CMTM7: variants seen among roughly 807,000 people sequenced by gnomAD.
CMTM7 encodes the protein CKLF like MARVEL transmembrane domain containing 7.
A neutral mutation model predicts 19.3 loss-of-function variants in CMTM7; 7 were observed. That is an observed-to-expected ratio of 0.36 (90% CI 0.21 to 0.68). CMTM7 has a LOEUF of 0.68. CMTM7 is among the 30% of genes least tolerant of loss of function. The probability of loss-of-function intolerance (pLI) is 0.60; values close to 1 mark genes in which losing one functional copy is unlikely to be tolerated. For missense variants in CMTM7, 193 were observed against 232.6 expected, an observed-to-expected ratio of 0.83 and a Z score of 1.11; for synonymous variants, 87 against 99.3, an observed-to-expected ratio of 0.88 and a Z score of 0.74.
chr3:32,442,498 C>CAAAAAAAAAA (rs59568281), intron 2 of CMTM7, among the ~76,000 whole-genome samples: 21 of 80,052 alleles, frequency 2.6e-4, no homozygotes, highest in African/African-American at 1.0e-3. Context: ...AGACTCCTCT[C>CAAAAAAAAAA]AAAAAAAAAA....
At chr3:32,445,143 G>A (rs1212792573) in intron 2 of CMTM7, among the ~76,000 whole-genome samples, 2 of 152,094 alleles carry the variant, frequency 1.3e-5, no homozygotes, top group Non-Finnish European at 2.9e-5. Flanking sequence ...CTGTAAACAT[G>A]ATCTGCAAAT....
At chr3:32,407,057 G>T (rs1181637537) in intron 1 of CMTM7, among the ~76,000 whole-genome samples, 1 of 152,162 alleles carries the variant, frequency 6.6e-6, no homozygotes, top group Non-Finnish European at 1.5e-5. Flanking sequence ...AAGGGAACCT[G>T]GGAATCTGAA....
Position 32,391,896 on chromosome 3 carries a change from G to T in CMTM7, c.-11G>T. The stretch of plus-strand genomic sequence containing the variant: ...TGCCCGGGGAGGCGGCCAGCGAGCT[G>T]GGGCCGCGCAATGTCGCACGGAGCC... On this transcript the variant is annotated 5_prime_UTR_variant, in exon 1 of 5. Transcript: ENST00000334983. 1 of 1,216,812 alleles carries T rather than the reference G, an allele frequency of 8.2e-7. No individual in the cohort carries two copies. The highest frequency in any genetic ancestry group is 1.0e-6 in the Non-Finnish European group (1 of 978,110). The allele number at this position is 1,216,812 out of a possible 1,614,324, so 75.4% of individuals were successfully genotyped here.
At chr3:32,451,511 G>C (rs577140780) in intron 3 of CMTM7, 18 of 152,646 alleles carry the variant, frequency 1.2e-4, no homozygotes, top group African/African-American at 3.6e-4. Flanking sequence ...GAGCAGGGTG[G>C]GTAATCCTAG....
chr3:32,452,555 C>A, intron 4 of CMTM7, 82 bp downstream of exon 4: 3 of 1,402,470 alleles, frequency 2.1e-6, no homozygotes, highest in Non-Finnish European at 3.0e-6. Context: ...TAGGGACAAA[C>A]CCTGCTGTTG....
rs375643299 is a variant in CMTM7 at position 32,452,494 on chromosome 3, C to T, written c.514+21C>T. The T allele has an allele frequency of 1.9e-6, 3 of 1,607,936 alleles. No homozygotes were observed. The African/African-American group carries it at 4.0e-5, about 22-fold the overall frequency. On this transcript the variant is annotated intron_variant, in intron 4 of 4. Transcript: ENST00000334983. ...CACAGGTGAGTTCTGGTTATCTGTG[C>T]ACAGAGGATCTCTCAGGAACAGGGG... is the stretch of plus-strand genomic sequence containing the variant.
chr3:32,436,919 C>T (rs140798790), intron 1 of CMTM7, among the ~76,000 whole-genome samples: 68 of 152,208 alleles, frequency 4.5e-4, no homozygotes, highest in African/African-American at 1.6e-3. Flanking sequence ...GATTTTTCAT[C>T]GTAGACCTCA....
At chr3:32,453,387 A>G (rs1255486905) in intron 4 of CMTM7, among the ~76,000 whole-genome samples, 4 of 152,210 alleles carry the variant, frequency 2.6e-5, no homozygotes, top group East Asian at 1.9e-4. Context: ...TGTTGCTTTT[A>G]TTAAAAGGAT....
chr3:32,446,349 T>C (rs955247596), intron 2 of CMTM7, among the ~76,000 whole-genome samples: 3 of 152,176 alleles, frequency 2.0e-5, no homozygotes, highest in Admixed American at 1.3e-4. Context: ...AGTAGTAATG[T>C]TTCCTCTTTC....
chr3:32,401,676 G>A (rs930073625), intron 1 of CMTM7, among the ~76,000 whole-genome samples: 1 of 152,360 alleles, frequency 6.6e-6, no homozygotes, highest in Admixed American at 6.5e-5. Context: ...CGGGCCCAGC[G>A]TGCGGCCCTG....
At chr3:32,395,400 C>T (rs543414374) in intron 1 of CMTM7, among the ~76,000 whole-genome samples, 1 of 151,964 alleles carries the variant, frequency 6.6e-6, no homozygotes, top group South Asian at 2.1e-4. Context: ...TTAAATGTTT[C>T]TAAGAATCCA....
Position 32,454,566 on chromosome 3 carries a change from C to T in CMTM7, c.*312C>T. ...AGGTACTGATGAACCCCACTTAGCA[C>T]AGCTGAAGGGGTTTGTGAATACTCC... On this transcript the variant is annotated 3_prime_UTR_variant, in exon 5 of 5. Coordinates refer to ENST00000334983, the MANE Select transcript of CMTM7 (RefSeq NM_138410.4). 6.7e-6 allele frequency: 4 copies of T among 596,064 alleles called. No homozygotes were observed. Among genetic ancestry groups the T allele is most frequent in the Non-Finnish European group, 9.4e-6 (3 of 320,434 alleles). 36.9% of individuals were successfully genotyped at this position (596,064 alleles called of 1,614,324 possible).
intron 1 of CMTM7, among the ~76,000 whole-genome samples, chr3:32,427,485 C>T (rs553668346): frequency 6.6e-6 from 1 of 152,268 alleles, no homozygotes; most frequent in South Asian, 2.1e-4. Flanking sequence ...GAGAGTGCTT[C>T]TTAGACAGTC....
intron 1 of CMTM7, among the ~76,000 whole-genome samples, chr3:32,416,195 T>C (rs951324879): frequency 9.1e-6 from 1 of 110,426 alleles, no homozygotes; most frequent in Non-Finnish European, 2.0e-5. Flanking sequence ...TAAGTACTTT[T>C]TTGTGTTTTG....
chr3:32,397,566 C>T (rs923783910), intron 1 of CMTM7, among the ~76,000 whole-genome samples: 11 of 151,852 alleles, frequency 7.2e-5, no homozygotes, highest in African/African-American at 2.7e-4. Flanking sequence ...AACCCCATCT[C>T]TACTAAAAAT....
chr3:32,431,550 G>C (rs1696518947), intron 1 of CMTM7, among the ~76,000 whole-genome samples: 1 of 152,150 alleles, frequency 6.6e-6, no homozygotes, highest in Non-Finnish European at 1.5e-5. Flanking sequence ...CTGTCACCCA[G>C]CTCTCAGTGC....
chr3:32,437,006 G>A (rs927138362), intron 1 of CMTM7, among the ~76,000 whole-genome samples: 1 of 152,172 alleles, frequency 6.6e-6, no homozygotes, highest in African/African-American at 2.4e-5. Context: ...GGCTGGTTGC[G>A]GGTGTACACT....
chr3:32,402,013 C>G (rs1012106813), intron 1 of CMTM7, among the ~76,000 whole-genome samples: 1 of 152,238 alleles, frequency 6.6e-6, no homozygotes, highest in Non-Finnish European at 1.5e-5. Flanking sequence ...GCGGCTCTTC[C>G]TTTTCCTGGG....
At chr3:32,411,136 G>A (rs935249441) in intron 1 of CMTM7, among the ~76,000 whole-genome samples, 3 of 152,270 alleles carry the variant, frequency 2.0e-5, no homozygotes, top group South Asian at 2.1e-4. Context: ...AGGCAGAGCC[G>A]GCTTCCCTGT....
Sources: allele counts gnomAD v4.1 joint callset (sites outside exome capture counted in the v4.1 genomes callset), GRCh38; gene constraint gnomAD v4.1.1; transcripts MANE v1.5; gene names NCBI Gene and HGNC (gene_info 2026-07-23, HGNC 2026-07-21).